The following SORCS3 variants were observed in gnomAD, a reference collection of about 807,000 sequenced individuals.
SORCS3 encodes VPS10 domain-containing receptor SorCS3.
A neutral mutation model predicts 146.3 loss-of-function variants in SORCS3; 57 were observed. The ratio of observed to expected loss-of-function variants is 0.39; its 90% CI spans 0.31 to 0.49. The LOEUF is 0.49. SORCS3 is among the 20% of genes least tolerant of loss of function. The probability of loss-of-function intolerance (pLI) is 0.92; values close to 1 mark genes in which losing one functional copy is unlikely to be tolerated. For synonymous variants in SORCS3, 653 were observed against 618.5 expected, an observed-to-expected ratio of 1.06 and a Z score of -0.83; for missense variants, 1,341 against 1,575.5, an observed-to-expected ratio of 0.85 and a Z score of 2.52.
intron 1 of SORCS3, among the ~76,000 whole-genome samples, chr10:104,791,571 G>A (rs553386104): frequency 6.6e-6 from 1 of 152,280 alleles, no homozygotes; most frequent in African/African-American, 2.4e-5. Context: ...ATAAACCATT[G>A]TGAACATTCT....
chr10:105,244,511 G>A (rs1268795626), intron 20 of SORCS3, among the ~76,000 whole-genome samples: 3 of 151,946 alleles, frequency 2.0e-5, no homozygotes, highest in Non-Finnish European at 4.4e-5. Flanking sequence ...TATACACAGC[G>A]GTCCTGGAAC....
At chr10:104,904,494 G>A (rs200003284) in intron 2 of SORCS3, among the ~76,000 whole-genome samples, 2 of 127,034 alleles carry the variant, frequency 1.6e-5, no homozygotes, top group Non-Finnish European at 3.7e-5. Context: ...ACACATTCAA[G>A]TTATTTAATA....
chr10:105,132,792 G>T (rs1464277194), intron 7 of SORCS3, among the ~76,000 whole-genome samples: 1 of 152,162 alleles, frequency 6.6e-6, no homozygotes, highest in African/African-American at 2.4e-5. Flanking sequence ...GTAAGGAAAA[G>T]ACCCAGCTAA....
At chr10:105,106,750 T>A (rs2055824672) in intron 7 of SORCS3, among the ~76,000 whole-genome samples, 1 of 152,184 alleles carries the variant, frequency 6.6e-6, no homozygotes, top group Admixed American at 6.5e-5. Flanking sequence ...ACAGGAAGGT[T>A]CTGTGGCTTC....
intron 3 of SORCS3, among the ~76,000 whole-genome samples, chr10:104,940,234 ATATATTTTTTTT>A (rs1306018715): frequency 3.5e-3 from 84 of 24,246 alleles, no homozygotes; most frequent in African/African-American, 0.013. Flanking sequence ...ATATATATAT[ATATATTTTTTTT>A]TTTTTTTTTA....
intron 7 of SORCS3, among the ~76,000 whole-genome samples, chr10:105,133,520 G>A (rs1274800412): frequency 6.6e-6 from 1 of 152,112 alleles, no homozygotes; most frequent in Non-Finnish European, 1.5e-5. Context: ...ATATGATGTT[G>A]GGCAAATTAG....
chr10:105,198,077 T>G (rs1174112043), intron 14 of SORCS3, among the ~76,000 whole-genome samples: 1 of 152,172 alleles, frequency 6.6e-6, no homozygotes, highest in Non-Finnish European at 1.5e-5. Flanking sequence ...TTGTCAAGAT[T>G]CCTATGACAG....
intron 1 of SORCS3, among the ~76,000 whole-genome samples, chr10:104,810,655 A>G (rs957495966): frequency 3.9e-5 from 6 of 152,214 alleles, no homozygotes; most frequent in Non-Finnish European, 8.8e-5. Flanking sequence ...ACATAGTCTT[A>G]GAAGTGGAAA....
At chr10:105,246,866 C>T (rs2056869235) in intron 21 of SORCS3, among the ~76,000 whole-genome samples, 1 of 152,178 alleles carries the variant, frequency 6.6e-6, no homozygotes, top group South Asian at 2.1e-4. Context: ...TCCATTCCAA[C>T]CAAGTCCAAA....
At chr10:104,979,001 T>C (rs1446800676) in intron 4 of SORCS3, among the ~76,000 whole-genome samples, 3 of 152,208 alleles carry the variant, frequency 2.0e-5, no homozygotes, top group African/African-American at 4.8e-5. Flanking sequence ...TGGAATTCTC[T>C]TCTTTAATGT....
intron 3 of SORCS3, among the ~76,000 whole-genome samples, chr10:104,925,007 G>A (rs1379851278): frequency 2.0e-5 from 3 of 152,126 alleles, no homozygotes; most frequent in African/African-American, 4.8e-5. Flanking sequence ...CTATCAACCC[G>A]TCATCTAGGT....
chr10:105,070,491 G>A (rs1479171111), intron 5 of SORCS3, among the ~76,000 whole-genome samples: 2 of 152,212 alleles, frequency 1.3e-5, no homozygotes, highest in African/African-American at 4.8e-5. Flanking sequence ...CAGAGAAAGG[G>A]AGAAATCCTA....
intron 1 of SORCS3, among the ~76,000 whole-genome samples, chr10:104,778,726 C>T (rs2017340478): frequency 6.6e-6 from 1 of 152,168 alleles, no homozygotes; most frequent in African/African-American, 2.4e-5. Flanking sequence ...TTCTCCTTAG[C>T]TTCACAGCAA....
Position 105,063,594 on chromosome 10 carries a change from C to T in SORCS3, c.1028+20466C>T, listed in dbSNP as rs965860490. On this transcript the variant is annotated intron_variant, in intron 5 of 26. Coordinates refer to ENST00000369701, the MANE Select transcript of SORCS3 (RefSeq NM_014978.3). ...GATGCCTTTCGGTCACACCTATTTACATTTGTTGCCCTGAATTTGCTTTTA... is the reference window on the plus strand; with the variant it reads ...GATGCCTTTCGGTCACACCTATTTATATTTGTTGCCCTGAATTTGCTTTTA... 9.2e-5 allele frequency among the ~76,000 whole-genome samples: 14 copies of T among 152,210 alleles called. 1 individual carries two copies. The highest frequency in any genetic ancestry group is 4.6e-4 in the Admixed American group (7 of 15,278).
intron 1 of SORCS3, among the ~76,000 whole-genome samples, chr10:104,672,221 G>T (rs2015863774): frequency 6.6e-6 from 1 of 152,018 alleles, no homozygotes; most frequent in Admixed American, 6.6e-5. Context: ...CTAGGAATTT[G>T]TCCATTTTAT....
chr10:104,962,380 T>G (rs2054801103), intron 3 of SORCS3, among the ~76,000 whole-genome samples: 1 of 152,130 alleles, frequency 6.6e-6, no homozygotes, highest in Admixed American at 6.6e-5. Flanking sequence ...TTTAAAGACA[T>G]GTAGAGAGTA....
intron 7 of SORCS3, among the ~76,000 whole-genome samples, chr10:105,132,233 G>T (rs529831111): frequency 6.6e-6 from 1 of 152,190 alleles, no homozygotes; most frequent in East Asian, 1.9e-4. Flanking sequence ...ACACAGGAAT[G>T]GTTGGCATAT....
At chr10:104,982,844 T>G (rs1207187554) in intron 4 of SORCS3, among the ~76,000 whole-genome samples, 2 of 152,172 alleles carry the variant, frequency 1.3e-5, no homozygotes, top group African/African-American at 4.8e-5. Context: ...ATGACAGAAC[T>G]GGTTTAATGT....
intron 8 of SORCS3, among the ~76,000 whole-genome samples, chr10:105,143,023 A>G (rs544899526): frequency 3.4e-4 from 52 of 152,234 alleles, no homozygotes; most frequent in Non-Finnish European, 2.9e-4. Context: ...CTGTAATTCT[A>G]ATCTCTTTTC....
Sources: gnomAD v4.1 joint callset for allele counts (sites outside exome capture counted in the v4.1 genomes callset) on GRCh38, gnomAD v4.1.1 for gene constraint, MANE v1.5 for transcripts, NCBI Gene and HGNC (gene_info 2026-07-23, HGNC 2026-07-21) for gene names.